PTPRD: variants seen among roughly 807,000 people sequenced by gnomAD.
PTPRD encodes protein tyrosine phosphatase receptor type D, also known as receptor-type tyrosine-protein phosphatase delta.
Under a neutral mutation model 214.5 loss-of-function variants are expected in PTPRD, and 34 were observed. The ratio of observed to expected loss-of-function variants is 0.16; its 90% confidence interval spans 0.12 to 0.21. PTPRD has a LOEUF of 0.21. PTPRD is among the 10% of genes least tolerant of loss of function. The probability of loss-of-function intolerance (pLI) is 1.00; values close to 1 mark genes in which losing one functional copy is unlikely to be tolerated. For missense variants in PTPRD, 2,545 were observed against 2,398.7 expected, an observed-to-expected ratio of 1.06 and a Z score of -1.27; for synonymous variants, 1,128 against 845.7, an observed-to-expected ratio of 1.33 and a Z score of -5.79.
intron 3 of PTPRD, among the ~76,000 whole-genome samples, chr9:10,269,437 T>C (rs972024161): frequency 6.6e-6 from 1 of 152,164 alleles, no homozygotes; most frequent in African/African-American, 2.4e-5. Context: ...GTAAGAAGTG[T>C]CAACAAATAT....
At chr9:8,512,613 C>T (rs1312877845) in intron 21 of PTPRD, among the ~76,000 whole-genome samples, 3 of 151,926 alleles carry the variant, frequency 2.0e-5, no homozygotes, top group African/African-American at 7.2e-5. Flanking sequence ...ATAGCATTAA[C>T]ATCCCTAAAA....
chr9:9,368,599 T>C (rs1167001741), intron 9 of PTPRD, among the ~76,000 whole-genome samples: 2 of 151,812 alleles, frequency 1.3e-5, no homozygotes, highest in Non-Finnish European at 2.9e-5. Flanking sequence ...CCAAAGATTA[T>C]TCTTAAATGT....
At chr9:10,398,964 T>C (rs1390518415) in intron 2 of PTPRD, among the ~76,000 whole-genome samples, 1 of 151,984 alleles carries the variant, frequency 6.6e-6, no homozygotes, top group African/African-American at 2.4e-5. Flanking sequence ...ATCTCCAACA[T>C]GGGAATCTCC....
At chr9:9,701,005 T>C (rs1284383109) in intron 7 of PTPRD, among the ~76,000 whole-genome samples, 1 of 150,660 alleles carries the variant, frequency 6.6e-6, no homozygotes, top group Non-Finnish European at 1.5e-5. Context: ...CCCCTAGAAG[T>C]CAGAAAAGCT....
In PTPRD at chr9:10,415,038, G is replaced by A. The variant is rs369175757; in HGVS notation, c.-599-74021C>T. ...AGTAATCTGTACAACAAATTTCTGC[G>A]ACACGAGTTTACCTACATAACAAAC... is the stretch of plus-strand genomic sequence containing the variant. On this transcript the variant is annotated intron_variant, in intron 2 of 45. Coordinates refer to ENST00000381196, the MANE Select transcript of PTPRD (RefSeq NM_002839.4). 1.9e-4 allele frequency among the ~76,000 whole-genome samples: 29 copies of A among 151,658 alleles called. No individual in the cohort carries two copies. The South Asian group carries it at 5.0e-3, about 26-fold the overall frequency.
chr9:9,837,494 T>C (rs146914845), intron 5 of PTPRD, among the ~76,000 whole-genome samples: 10 of 152,244 alleles, frequency 6.6e-5, no homozygotes, highest in East Asian at 1.9e-4. Context: ...CAGTGTCGCA[T>C]ATAAAAGTCA....
At chr9:10,304,765 A>G (rs1249601956) in intron 3 of PTPRD, among the ~76,000 whole-genome samples, 1 of 152,240 alleles carries the variant, frequency 6.6e-6, no homozygotes, top group Non-Finnish European at 1.5e-5. Context: ...GAGAGGACAC[A>G]AACAATTGGA....
intron 14 of PTPRD, among the ~76,000 whole-genome samples, chr9:8,619,087 A>G (rs2095719510): frequency 6.6e-6 from 1 of 151,362 alleles, no homozygotes. Flanking sequence ...TTGAGACATA[A>G]AAGTGTATTT....
chr9:9,261,648 G>GTGTGTT (rs1491348709), intron 9 of PTPRD, among the ~76,000 whole-genome samples: 1 of 17,620 alleles, frequency 5.7e-5, no homozygotes, highest in Non-Finnish European at 1.3e-4. Context: ...GTGCATGCAC[G>GTGTGTT]TGTGTGTGTG....
chr9:9,080,053 C>CACA (rs1333988453), intron 10 of PTPRD, among the ~76,000 whole-genome samples: 2 of 152,026 alleles, frequency 1.3e-5, no homozygotes, highest in African/African-American at 4.8e-5. Flanking sequence ...ATGTAGAATT[C>CACA]TGGGTTTAAT....
chr9:8,380,129 G>A (rs1222022159), intron 37 of PTPRD, among the ~76,000 whole-genome samples: 1 of 151,780 alleles, frequency 6.6e-6, no homozygotes, highest in Admixed American at 6.6e-5. Context: ...CAGTCTAAAT[G>A]TGAAAAAAAA....
At chr9:9,958,790 T>C (rs2094144001) in intron 4 of PTPRD, among the ~76,000 whole-genome samples, 1 of 152,174 alleles carries the variant, frequency 6.6e-6, no homozygotes, top group Non-Finnish European at 1.5e-5. Flanking sequence ...TATTAAATGA[T>C]GCTCAATATC....
chr9:8,509,536 A>C (rs996950245), intron 21 of PTPRD, among the ~76,000 whole-genome samples: 1 of 152,208 alleles, frequency 6.6e-6, no homozygotes, highest in African/African-American at 2.4e-5. Flanking sequence ...AGAAACACAG[A>C]CAACACTGAA....
intron 39 of PTPRD, among the ~76,000 whole-genome samples, chr9:8,350,314 G>C (rs898976339): frequency 6.6e-6 from 1 of 152,086 alleles, no homozygotes; most frequent in African/African-American, 2.4e-5. Context: ...AAAGACAATA[G>C]AATTAGGATA....
chr9:10,129,122 A>G (rs1457336228), intron 3 of PTPRD, among the ~76,000 whole-genome samples: 1 of 152,162 alleles, frequency 6.6e-6, no homozygotes, highest in Non-Finnish European at 1.5e-5. Context: ...TAAGAAAGAA[A>G]GCGATTGGAC....
intron 9 of PTPRD, among the ~76,000 whole-genome samples, chr9:9,360,312 T>A (rs769831685): frequency 6.6e-6 from 1 of 150,944 alleles, no homozygotes; most frequent in Non-Finnish European, 1.5e-5. Context: ...AATAGGGCAG[T>A]CCTTACCTCA....
At chr9:8,670,783 G>A (rs1263273468) in intron 12 of PTPRD, among the ~76,000 whole-genome samples, 1 of 152,204 alleles carries the variant, frequency 6.6e-6, no homozygotes, top group Non-Finnish European at 1.5e-5. Flanking sequence ...GACTAGGGGT[G>A]TGGATGACCA....
chr9:8,678,012 T>C (rs1444717862), intron 12 of PTPRD, among the ~76,000 whole-genome samples: 1 of 152,180 alleles, frequency 6.6e-6, no homozygotes. Context: ...TCTCTCCTGC[T>C]ATCTCTGCTG....
intron 2 of PTPRD, among the ~76,000 whole-genome samples, chr9:10,442,077 T>C (rs536018475): frequency 4.6e-5 from 7 of 151,788 alleles, no homozygotes; most frequent in African/African-American, 1.7e-4. Context: ...GCTGATTCTC[T>C]CATAAAATTC....
Sources: allele counts gnomAD v4.1 joint callset (sites outside exome capture counted in the v4.1 genomes callset), GRCh38; gene constraint gnomAD v4.1.1; transcripts MANE v1.5; gene names NCBI Gene and HGNC (gene_info 2026-07-23, HGNC 2026-07-21).